SMARCC1: variants seen among roughly 807,000 people sequenced by gnomAD.
SMARCC1 encodes SWI/SNF related BAF chromatin remodeling complex subunit C1, also known as SWI/SNF complex subunit SMARCC1.
A neutral mutation model predicts 147.4 loss-of-function variants in SMARCC1; 43 were observed. The ratio of observed to expected loss-of-function variants is 0.29; its 90% CI spans 0.23 to 0.38. The LOEUF is 0.38. Among genes scored for constraint, SMARCC1 ranks in the 10% least tolerant of loss-of-function variants. The probability of loss-of-function intolerance (pLI) is 1.00; values close to 1 mark genes in which losing one functional copy is unlikely to be tolerated. For synonymous variants in SMARCC1, 495 were observed against 484.4 expected, an observed-to-expected ratio of 1.02 and a Z score of -0.29; for missense variants, 1,119 against 1,381.1, an observed-to-expected ratio of 0.81 and a Z score of 3.01.
chr3:47,675,816 G>A (rs994759990), intron 17 of SMARCC1, among the ~76,000 whole-genome samples: 14 of 151,876 alleles, frequency 9.2e-5, no homozygotes, highest in East Asian at 3.9e-4. Flanking sequence ...GTGGTGGCAC[G>A]TGCCTATAAT....
intron 21 of SMARCC1, among the ~76,000 whole-genome samples, chr3:47,645,110 C>T (rs984597719): frequency 2.0e-5 from 3 of 152,080 alleles, no homozygotes; most frequent in Non-Finnish European, 4.4e-5. Flanking sequence ...CAAAGTGAGA[C>T]ACTGTCTCTA....
chr3:47,679,212 C>CAAA (rs577481119), intron 15 of SMARCC1, among the ~76,000 whole-genome samples: 1 of 93,526 alleles, frequency 1.1e-5, no homozygotes. Context: ...GACTTTGTCT[C>CAAA]AAAAAAAAAA....
intron 2 of SMARCC1, among the ~76,000 whole-genome samples, chr3:47,765,928 T>TCA (rs1246532409): frequency 6.6e-6 from 1 of 152,016 alleles, no homozygotes; most frequent in Non-Finnish European, 1.5e-5. Context: ...AGACAGGGTT[T>TCA]CACCATGTTG....
In SMARCC1 at chr3:47,644,363, G is replaced by A. The variant is rs560362061; in HGVS notation, c.2321-5583C>T. ...AAAACAAAATTAGCTGAGCACAGCG[G>A]CATACACCTGTAGTCCCAGGTACCT... On this transcript the variant is annotated intron_variant, in intron 21 of 27. Coordinates refer to ENST00000254480, the MANE Select transcript of SMARCC1 (RefSeq NM_003074.4). 1.8e-4 allele frequency among the ~76,000 whole-genome samples: 27 copies of A among 152,216 alleles called. No individual in the cohort carries two copies. The South Asian group carries it at 5.6e-3, about 32-fold the overall frequency.
intron 6 of SMARCC1, among the ~76,000 whole-genome samples, chr3:47,722,280 G>A (rs2034241836): frequency 7.0e-6 from 1 of 141,984 alleles, no homozygotes; most frequent in Non-Finnish European, 1.5e-5. Context: ...GCTGACTTTT[G>A]ATACAAATTT....
intron 1 of SMARCC1, among the ~76,000 whole-genome samples, chr3:47,775,294 G>A (rs2034961447): frequency 6.6e-6 from 1 of 150,554 alleles, no homozygotes; most frequent in African/African-American, 2.4e-5. Flanking sequence ...CCGAGTAGCT[G>A]GGACTACAGG....
intron 21 of SMARCC1, among the ~76,000 whole-genome samples, chr3:47,651,507 C>G (rs893066117): frequency 6.6e-6 from 1 of 152,194 alleles, no homozygotes; most frequent in African/African-American, 2.4e-5. Flanking sequence ...GTAGCTCCTG[C>G]CCAGGGGGCT....
intron 26 of SMARCC1, 47 bp from the exon 27 acceptor site, chr3:47,590,884 T>A: frequency 6.6e-7 from 1 of 1,506,864 alleles, no homozygotes; most frequent in Non-Finnish European, 9.0e-7. Flanking sequence ...GAAAGGGGTG[T>A]AAGAAAGGGA....
At chr3:47,659,292 A>G (rs1021802077) in intron 21 of SMARCC1, among the ~76,000 whole-genome samples, 1 of 150,904 alleles carries the variant, frequency 6.6e-6, no homozygotes, top group African/African-American at 2.4e-5. Context: ...TAAAAAAAAA[A>G]GAAAAAAAAA....
intron 2 of SMARCC1, among the ~76,000 whole-genome samples, chr3:47,766,043 T>C (rs2034836570): frequency 6.6e-6 from 1 of 152,152 alleles, no homozygotes; most frequent in South Asian, 2.1e-4. Flanking sequence ...TAAATGATTT[T>C]TTTAAGTGCA....
chr3:47,608,998 T>C (rs2032523939), intron 26 of SMARCC1, among the ~76,000 whole-genome samples: 1 of 152,046 alleles, frequency 6.6e-6, no homozygotes, highest in South Asian at 2.1e-4. Context: ...AGCCACATTG[T>C]GGAAAAACCC....
intron 24 of SMARCC1, among the ~76,000 whole-genome samples, chr3:47,632,961 TG>T (rs1357371957): frequency 9.3e-6 from 1 of 107,242 alleles, no homozygotes; most frequent in Admixed American, 9.9e-5. Context: ...TCCATTTATA[TG>T]AAGTTAAAAA....
intron 25 of SMARCC1, 106 bp from the exon 26 acceptor site, chr3:47,610,433 A>G (rs2032548914): frequency 8.7e-7 from 1 of 1,152,246 alleles, no homozygotes; most frequent in South Asian, 1.3e-5. Flanking sequence ...ATCCCATCAC[A>G]CTGACATCAC....
chr3:47,671,915 A>AT (rs1255427957), intron 18 of SMARCC1, among the ~76,000 whole-genome samples: 1 of 152,194 alleles, frequency 6.6e-6, no homozygotes, highest in East Asian at 1.9e-4. Context: ...TACACACTGC[A>AT]TGAAAAAAAT....
At chr3:47,777,983 A>C (rs1281852864) in intron 1 of SMARCC1, among the ~76,000 whole-genome samples, 1 of 151,370 alleles carries the variant, frequency 6.6e-6, no homozygotes, top group South Asian at 2.1e-4. Flanking sequence ...AGGCTGGCGG[A>C]TCACCTGAGG....
intron 26 of SMARCC1, among the ~76,000 whole-genome samples, chr3:47,597,392 G>A (rs2032304382): frequency 6.6e-6 from 1 of 151,906 alleles, no homozygotes. Context: ...GCCCAGGCTG[G>A]AGTGCAGTGG....
chr3:47,592,697 C>G (rs1235525758), intron 26 of SMARCC1, among the ~76,000 whole-genome samples: 4 of 152,214 alleles, frequency 2.6e-5, no homozygotes, highest in Non-Finnish European at 5.9e-5. Context: ...CACATAAACT[C>G]AAGCGATCCC....
intron 26 of SMARCC1, among the ~76,000 whole-genome samples, chr3:47,599,147 G>C (rs1402769856): frequency 1.3e-5 from 2 of 152,150 alleles, no homozygotes; most frequent in Non-Finnish European, 2.9e-5. Context: ...AGCACTTTGG[G>C]GGGCTGAGGA....
intron 21 of SMARCC1, among the ~76,000 whole-genome samples, chr3:47,652,409 GTATC>G (rs1162573051): frequency 6.6e-6 from 1 of 152,132 alleles, no homozygotes; most frequent in Admixed American, 6.6e-5. Context: ...ATTTCCCATA[GTATC>G]TAAGACGGAA....
Sources: allele counts gnomAD v4.1 joint callset (sites outside exome capture counted in the v4.1 genomes callset), GRCh38; gene constraint gnomAD v4.1.1; transcripts MANE v1.5; gene names NCBI Gene and HGNC (gene_info 2026-07-23, HGNC 2026-07-21).